FBLN5: variants seen among roughly 807,000 people sequenced by gnomAD.
FBLN5 encodes fibulin 5, also known as fibulin-5.
In FBLN5, 24 loss-of-function variants were observed where a neutral mutation model predicts 61.6. The ratio of observed to expected loss-of-function variants is 0.39; its 90% CI spans 0.28 to 0.55. The LOEUF is 0.55. FBLN5 is among the 20% of genes least tolerant of loss of function. FBLN5 has a pLI of 0.65. For synonymous variants in FBLN5, 213 were observed against 219.8 expected (o/e 0.97, Z 0.27); for missense variants, 470 against 594.1 (o/e 0.79, Z 2.17).
chr14:91,870,599 C>T (rs1384991387), intron 10 of FBLN5, among the ~76,000 whole-genome samples: 1 of 152,242 alleles, frequency 6.6e-6, no homozygotes, highest in African/African-American at 2.4e-5. Context: ...TAAGAGGAGC[C>T]TTCTCTGGTT....
intron 6 of FBLN5, among the ~76,000 whole-genome samples, chr14:91,887,838 G>A (rs1201441937): frequency 2.0e-5 from 3 of 152,224 alleles, no homozygotes; most frequent in Non-Finnish European, 4.4e-5. Context: ...CCACTTTAGA[G>A]GTTAAGTAGG....
Position 91,891,344 on chromosome 14 carries a change from A to T in FBLN5, c.503-7T>A. The T allele has an allele frequency of 1.9e-6, 3 of 1,586,022 alleles. No individual in the cohort carries two copies. The highest frequency in any genetic ancestry group is 2.6e-6 in the Non-Finnish European group (3 of 1,154,396). ...TAGCGACATTCATCAATGTCTGGAAACAGAAATGCAAGCAAAGTGAGACAG... is the reference window on the plus strand; with the variant it reads ...TAGCGACATTCATCAATGTCTGGAATCAGAAATGCAAGCAAAGTGAGACAG... On this transcript the variant is annotated splice_region_variant and splice_polypyrimidine_tract_variant and intron_variant, in intron 5 of 10. Transcript: ENST00000342058.
intron 10 of FBLN5, among the ~76,000 whole-genome samples, chr14:91,871,258 AC>A: frequency 6.7e-6 from 1 of 149,052 alleles, no homozygotes; most frequent in East Asian, 2.0e-4. Context: ...GGCTACTGGA[AC>A]TTTTTTTGTT....
At chr14:91,911,651 TA>T (rs1890944942) in intron 4 of FBLN5, among the ~76,000 whole-genome samples, 1 of 152,174 alleles carries the variant, frequency 6.6e-6, no homozygotes, top group Non-Finnish European at 1.5e-5. Context: ...TTTGAGAAAA[TA>T]AGGCCTCTGA....
chr14:91,891,440 C>CGGAA (rs1233664794), intron 5 of FBLN5, 103 bp from the exon 6 acceptor site: 3 of 818,768 alleles, frequency 3.7e-6, no homozygotes, highest in Non-Finnish European at 6.5e-6. Context: ...GGATCATGAA[C>CGGAA]GGAAGCAAAT....
rs142560192 is a variant in FBLN5 at position 91,945,406 on chromosome 14, T to C, written c.17+1807A>G. Among the ~76,000 whole-genome samples, 494 of 152,162 alleles carry C rather than the reference T, an allele frequency of 3.2e-3. 2 individuals are homozygous for C. The highest frequency in any genetic ancestry group is 0.011 in the African/African-American group (462 of 41,496). ...AGAACCAGTTGGGGAGCCACGACAA[T>C]GTCCATACACCTTGGCAAGGGCATG... On this transcript the variant is annotated intron_variant, in intron 1 of 10. Coordinates refer to ENST00000342058, the MANE Select transcript of FBLN5 (RefSeq NM_006329.4).
At chr14:91,924,504 G>A (rs532087311) in intron 4 of FBLN5, among the ~76,000 whole-genome samples, 2 of 143,600 alleles carry the variant, frequency 1.4e-5, no homozygotes, top group Admixed American at 7.2e-5. Context: ...CCTGGCCAAC[G>A]TGGTGAAACC....
At chr14:91,893,758 G>C (rs1051128288) in intron 5 of FBLN5, among the ~76,000 whole-genome samples, 14 of 152,370 alleles carry the variant, frequency 9.2e-5, no homozygotes, top group African/African-American at 3.4e-4. Context: ...TCAGAGAGCA[G>C]ATGCTAACTG....
chr14:91,904,604 G>C (rs988688889), intron 4 of FBLN5, among the ~76,000 whole-genome samples: 1 of 152,244 alleles, frequency 6.6e-6, no homozygotes, highest in African/African-American at 2.4e-5. Flanking sequence ...CTCGAGGCTG[G>C]AAGTCCAGGG....
intron 4 of FBLN5, among the ~76,000 whole-genome samples, chr14:91,909,321 AAC>A (rs1447933327): frequency 1.3e-5 from 2 of 152,178 alleles, no homozygotes. Flanking sequence ...GAGGGCAGGA[AAC>A]ACACTTTATC....
At chr14:91,915,535 A>G (rs1340278647) in intron 4 of FBLN5, among the ~76,000 whole-genome samples, 1 of 151,664 alleles carries the variant, frequency 6.6e-6, no homozygotes, top group South Asian at 2.1e-4. Flanking sequence ...AATACAAAAA[A>G]ATTAGCCCAG....
At chr14:91,896,466 G>A (rs1162218455) in intron 4 of FBLN5, among the ~76,000 whole-genome samples, 3 of 151,008 alleles carry the variant, frequency 2.0e-5, no homozygotes, top group Non-Finnish European at 3.0e-5. Context: ...TGGTGCAGTC[G>A]GAAGTAATAC....
chr14:91,909,946 A>G (rs1456929060), intron 4 of FBLN5, among the ~76,000 whole-genome samples: 2 of 152,258 alleles, frequency 1.3e-5, no homozygotes, highest in Non-Finnish European at 2.9e-5. Flanking sequence ...TTGGGTAGCC[A>G]CTATGGAAAA....
intron 9 of FBLN5, among the ~76,000 whole-genome samples, chr14:91,880,768 C>T (rs934966411): frequency 6.6e-6 from 1 of 152,082 alleles, no homozygotes; most frequent in African/African-American, 2.4e-5. Context: ...CCAGGCTGCT[C>T]TCAAACTCTT....
chr14:91,916,349 G>A (rs1419668379), intron 4 of FBLN5, among the ~76,000 whole-genome samples: 1 of 152,228 alleles, frequency 6.6e-6, no homozygotes, highest in Admixed American at 6.5e-5. Flanking sequence ...TCAGGAGGCT[G>A]AGACAGAGAA....
rs548351890 is a variant in FBLN5, at chr14:91,870,103, G to A, written c.*121C>T. The A allele has an allele frequency of 3.2e-4, 339 of 1,071,904 alleles. No individual in the cohort carries two copies. Among genetic ancestry groups the A allele is most frequent in the Non-Finnish European group, 4.2e-4 (300 of 711,160 alleles). 66.4% of individuals were successfully genotyped at this position (1,071,904 alleles called of 1,614,324 possible). ...GTCAGGAAGTCGGGGCTGACTCTTC[G>A]GGGAAACGTTCAGCAGGAAATGCCT... On this transcript the variant is annotated 3_prime_UTR_variant, in exon 11 of 11. Coordinates refer to ENST00000342058, the MANE Select transcript of FBLN5 (RefSeq NM_006329.4).
At chr14:91,938,209 C>CT in intron 3 of FBLN5, 1 of 153,006 alleles carries the variant, frequency 6.5e-6, no homozygotes, top group Non-Finnish European at 1.5e-5. Context: ...GTAATCCCAG[C>CT]ACTTTGGGAG....
chr14:91,894,513 G>A (rs2139981933), intron 5 of FBLN5, among the ~76,000 whole-genome samples: 1 of 150,692 alleles, frequency 6.6e-6, no homozygotes, highest in African/African-American at 2.4e-5. Flanking sequence ...TTGAGCCCAG[G>A]AGTTCAAGAC....
intron 4 of FBLN5, among the ~76,000 whole-genome samples, chr14:91,903,552 G>A (rs1351944285): frequency 6.6e-6 from 1 of 151,802 alleles, no homozygotes; most frequent in African/African-American, 2.4e-5. Context: ...CCATCTCCCC[G>A]AGGGCTCCTT....
Sources: gnomAD v4.1 joint callset for allele counts (sites outside exome capture counted in the v4.1 genomes callset) on GRCh38, gnomAD v4.1.1 for gene constraint, MANE v1.5 for transcripts, NCBI Gene and HGNC (gene_info 2026-07-23, HGNC 2026-07-21) for gene names.